The following ABCB11 variants were observed in gnomAD, a reference collection of about 807,000 sequenced individuals.
ABCB11 encodes ATP binding cassette subfamily B member 11, also known as bile salt export pump.
A neutral mutation model predicts 148.0 loss-of-function variants in ABCB11; 95 were observed. The ratio of observed to expected loss-of-function variants is 0.64; its 90% CI spans 0.54 to 0.76. The LOEUF is 0.76. Among genes scored for constraint, ABCB11 ranks in the 30% least tolerant of loss-of-function variants. The pLI is 0.00. For missense variants in ABCB11, 1,523 were observed against 1,617.8 expected (o/e 0.94, Z 1.01); for synonymous variants, 591 against 555.4 (o/e 1.06, Z -0.90).
At chr2:168,918,172 G>T (rs745601585), downstream of ABCB11, among the ~76,000 whole-genome samples, 4 of 152,082 alleles carry the variant, frequency 2.6e-5, no homozygotes, top group East Asian at 1.9e-4. Flanking sequence ...TATTCCTTAC[G>T]TGGGGGCTGA....
chr2:168,947,943 T>C (rs1328875141), intron 19 of ABCB11, among the ~76,000 whole-genome samples: 2 of 144,354 alleles, frequency 1.4e-5, no homozygotes, highest in South Asian at 2.1e-4. Context: ...TTGAATCTCT[T>C]TTTTTTTTTA....
rs1471489155 is a variant in ABCB11 at position 168,976,675 on chromosome 2, C to T, written c.1210G>A (p.Asp404Asn). The change falls in exon 12 of 28, where the codon GAC becomes AAC. Residue 404 changes from aspartate to asparagine, a missense_variant. Asp to Asn is a conservative substitution (Grantham distance 23). Transcript: ENST00000650372. Reference sequence around the variant, plus strand: ...TTGTAACCATCTTCTGACATGCAGTCAATGATGGGTTTCTGGAGTGAAATA... The same window carrying T: ...TTGTAACCATCTTCTGACATGCAGTTAATGATGGGTTTCTGGAGTGAAATA... ...FETIDRKPII[D>N]CMSEDGYKLD... 2.5e-6 allele frequency: 4 copies of T among 1,608,192 alleles called. No individual in the cohort carries two copies. Among genetic ancestry groups the T allele is most frequent in the Admixed American group, 3.3e-5 (2 of 59,812 alleles).
intron 2 of ABCB11, 27 bp downstream of exon 2, chr2:169,018,023 A>T: frequency 6.3e-7 from 1 of 1,575,938 alleles, no homozygotes; most frequent in Non-Finnish European, 8.7e-7. Context: ...CTTGTACAAG[A>T]TGCAGTGAGG....
At chr2:168,940,930 C>T (rs191233725) in intron 21 of ABCB11, among the ~76,000 whole-genome samples, 3 of 152,202 alleles carry the variant, frequency 2.0e-5, no homozygotes, top group African/African-American at 7.2e-5. Context: ...GTTGAAAACA[C>T]AGTTTTTTGA....
intron 23 of ABCB11, among the ~76,000 whole-genome samples, chr2:168,933,902 T>C (rs1393880407): frequency 6.6e-6 from 1 of 151,966 alleles, no homozygotes; most frequent in African/African-American, 2.4e-5. Context: ...CAGGCACACA[T>C]CACCATACCT....
At position 169,029,827 on chromosome 2, in the gene ABCB11, G is replaced by A. The variant is rs573142843; in HGVS notation, c.-28+1398C>T. Reference sequence around the variant, plus strand: ...GCAATCTCGGCTCACTGCAAGCTCCGCTTCCCGGGTTCACGCCATTCTCCT... The same window carrying A: ...GCAATCTCGGCTCACTGCAAGCTCCACTTCCCGGGTTCACGCCATTCTCCT... On this transcript the variant is annotated intron_variant, in intron 1 of 27. Coordinates refer to ENST00000650372, the MANE Select transcript of ABCB11 (RefSeq NM_003742.4). Among the ~76,000 whole-genome samples the A allele has an allele frequency of 1.0e-4, 12 of 114,574 alleles. No individual in the cohort carries two copies. In the South Asian group the frequency reaches 1.6e-3, roughly 15 times the overall value. The allele number at this position is 114,574 out of a possible 152,430, so 75.2% of individuals were successfully genotyped here.
In ABCB11 at chr2:168,971,810, C is replaced by A. The variant is rs370946493; in HGVS notation, c.1638+37G>T. On this transcript the variant is annotated intron_variant, in intron 14 of 27. Transcript: ENST00000650372. ...GTGCAACTTTTTTTCCTTCTATGACCTCTTAGTTTCTCCCAGGAATGTATG... is the reference window on the plus strand; with the variant it reads ...GTGCAACTTTTTTTCCTTCTATGACATCTTAGTTTCTCCCAGGAATGTATG... 6 of 1,593,278 alleles carry A rather than the reference C, an allele frequency of 3.8e-6. No homozygotes were observed. The African/African-American group carries it at 8.1e-5, about 21-fold the overall frequency.
rs564125955 is a variant in ABCB11 at position 168,935,970 on chromosome 2, C to T, written c.2814+260G>A. ...CACCAAATTGGAATGTGGAATGAAT[C>T]ACTATGCGAGAGGAAATTGAACAGG... is the stretch of plus-strand genomic sequence containing the variant. On this transcript the variant is annotated intron_variant, in intron 22 of 27. Coordinates refer to ENST00000650372, the MANE Select transcript of ABCB11 (RefSeq NM_003742.4). Among the ~76,000 whole-genome samples, 9 of 152,334 alleles carry T rather than the reference C, an allele frequency of 5.9e-5. No individual in the cohort carries two copies. The South Asian group carries it at 1.9e-3, about 32-fold the overall frequency.
intron 1 of ABCB11, 80 bp from the exon 2 acceptor site, chr2:169,018,232 A>G: frequency 7.6e-7 from 1 of 1,311,900 alleles, no homozygotes; most frequent in Non-Finnish European, 1.1e-6. Context: ...CGAAAGAACA[A>G]TTTGGTTCAA....
intron 1 of ABCB11, among the ~76,000 whole-genome samples, chr2:169,030,821 G>A (rs1302445635): frequency 6.6e-6 from 1 of 152,104 alleles, no homozygotes; most frequent in African/African-American, 2.4e-5. Context: ...GCTTTCAAGG[G>A]TAGAATTTGT....
rs569826052 is a variant in ABCB11 at position 168,921,054 on chromosome 2, A to G, written c.*2568T>C. Among the ~76,000 whole-genome samples, 168 of 152,352 alleles carry G rather than the reference A, an allele frequency of 1.1e-3. No individual in the cohort carries two copies. Among genetic ancestry groups the G allele is most frequent in the Non-Finnish European group, 1.7e-3 (117 of 68,028 alleles). On this transcript the variant is annotated 3_prime_UTR_variant, in exon 28 of 28. Coordinates refer to ENST00000650372, the MANE Select transcript of ABCB11 (RefSeq NM_003742.4). ...AAATGCAAACCAAAACAAGAGCTTT[A>G]GTCTTTCATCAAAATTAGAGGATTA...
intron 10 of ABCB11, among the ~76,000 whole-genome samples, chr2:168,983,906 T>G (rs539468963): frequency 1.8e-4 from 27 of 152,256 alleles, no homozygotes; most frequent in Admixed American, 5.2e-4. Context: ...GATATTTCAT[T>G]TTTTGTTTCC....
At chr2:169,012,934 TGGA>T (rs1695233705) in intron 5 of ABCB11, among the ~76,000 whole-genome samples, 1 of 151,936 alleles carries the variant, frequency 6.6e-6, no homozygotes, top group African/African-American at 2.4e-5. Flanking sequence ...ATAGAACTCT[TGGA>T]GATGATACTC....
chr2:168,971,386 T>G (rs1355548003), intron 14 of ABCB11, among the ~76,000 whole-genome samples: 1 of 152,024 alleles, frequency 6.6e-6, no homozygotes, highest in East Asian at 1.9e-4. Context: ...TAGTTGTTGT[T>G]GCTTAGAATG....
chr2:168,938,941 C>T (rs1464197313), intron 21 of ABCB11, among the ~76,000 whole-genome samples: 1 of 151,886 alleles, frequency 6.6e-6, no homozygotes, highest in Non-Finnish European at 1.5e-5. Flanking sequence ...GGCTCATACT[C>T]TACATATTAC....
chr2:168,974,851 G>C (rs890486085), intron 12 of ABCB11, among the ~76,000 whole-genome samples: 1 of 151,064 alleles, frequency 6.6e-6, no homozygotes, highest in Non-Finnish European at 1.5e-5. Context: ...CTTTACATAT[G>C]TTATAACATT....
intron 10 of ABCB11, among the ~76,000 whole-genome samples, chr2:168,985,850 G>C (rs1159299977): frequency 6.6e-6 from 1 of 152,006 alleles, no homozygotes; most frequent in African/African-American, 2.4e-5. Flanking sequence ...AGTGTATACT[G>C]CTTGGGTGAT....
At chr2:168,928,614 C>T (rs540744479) in intron 25 of ABCB11, among the ~76,000 whole-genome samples, 3 of 152,156 alleles carry the variant, frequency 2.0e-5, no homozygotes, top group Non-Finnish European at 2.9e-5. Context: ...GTGACCAGAA[C>T]ATTCACTGGG....
chr2:168,936,074 G>GCCAAGCAC (rs1261006698), intron 22 of ABCB11, among the ~76,000 whole-genome samples, 156 bp downstream of exon 22: 1 of 152,158 alleles, frequency 6.6e-6, no homozygotes, highest in Non-Finnish European at 1.5e-5. Context: ...CAGCCTTTGC[G>GCCAAGCAC]CCAAGCACGC....
Sources: gnomAD v4.1 joint callset for allele counts (sites outside exome capture counted in the v4.1 genomes callset) on GRCh38, gnomAD v4.1.1 for gene constraint, MANE v1.5 for transcripts, NCBI Gene and HGNC (gene_info 2026-07-23, HGNC 2026-07-21) for gene names.